ZMYND8: variants seen among roughly 807,000 people sequenced by gnomAD.
The protein encoded by ZMYND8 is zinc finger MYND-type containing 8.
In ZMYND8, 37 loss-of-function variants were observed where a neutral mutation model predicts 140.8. The ratio of observed to expected loss-of-function variants is 0.26; its 90% confidence interval spans 0.20 to 0.35. The LOEUF is 0.35. Among genes scored for constraint, ZMYND8 ranks in the 10% least tolerant of loss-of-function variants. The probability of loss-of-function intolerance (pLI) is 1.00; values close to 1 mark genes in which losing one functional copy is unlikely to be tolerated. For missense variants in ZMYND8, 1,068 were observed against 1,570.0 expected (o/e 0.68, Z 5.40); for synonymous variants, 592 against 597.1 (o/e 0.99, Z 0.12).
At position 47,255,720 on chromosome 20, in the gene ZMYND8, GTGTATATATATATATATATATATA is replaced by G. The variant is rs1352403493; in HGVS notation, c.1622-6305_1622-6282del. Among the ~76,000 whole-genome samples, 55 of 27,246 alleles carry G rather than the reference GTGTATATATATATATATATATATA, an allele frequency of 2.0e-3. 1 individual carries two copies. The highest frequency in any genetic ancestry group is 5.6e-3 in the African/African-American group (51 of 9,152). The allele number at this position is 27,246 out of a possible 152,430, so 17.9% of individuals were successfully genotyped here. A position where few individuals can be genotyped will look rare whatever the true frequency, so the allele number is the denominator to read the frequency against. ...ATATATATATATATACCGTGTATGT[GTGTATATATATATATATATATATA>G]TATATATATATATATATATACGGTA... On this transcript the variant is annotated intron_variant, in intron 12 of 22. Coordinates refer to ENST00000471951, the MANE Select transcript of ZMYND8 (RefSeq NM_001281775.3).
chr20:47,218,859 C>G (rs992726214), intron 21 of ZMYND8, among the ~76,000 whole-genome samples: 2 of 152,066 alleles, frequency 1.3e-5, no homozygotes, highest in African/African-American at 4.8e-5. Context: ...TTCCCAGCCC[C>G]TAACAATGGA....
chr20:47,282,327 GGA>G, intron 9 of ZMYND8, 110 bp from the exon 10 acceptor site: 1 of 883,078 alleles, frequency 1.1e-6, no homozygotes, highest in Non-Finnish European at 1.7e-6. Context: ...GGCCATGAGT[GGA>G]AAAAGAGTTT....
At position 47,255,749 on chromosome 20, in the gene ZMYND8, TATATATATATATATAC is replaced by T. The variant is rs1217875504; in HGVS notation, c.1622-6326_1622-6311del. ...ATATATATATATATATATATATATATATATATATATATATACGGTATATATATATATTTGTATGTGT... is the reference window on the plus strand; with the variant it reads ...ATATATATATATATATATATATATATGGTATATATATATATTTGTATGTGT... On this transcript the variant is annotated intron_variant, in intron 12 of 22. Transcript: ENST00000471951. 1.7e-3 allele frequency among the ~76,000 whole-genome samples: 168 copies of T among 99,986 alleles called. 1 individual carries two copies. The highest frequency in any genetic ancestry group is 8.2e-3 in the African/African-American group (162 of 19,730). 65.6% of individuals were successfully genotyped at this position (99,986 alleles called of 152,430 possible).
chr20:47,324,257 C>G (rs2080222226), intron 2 of ZMYND8, among the ~76,000 whole-genome samples: 1 of 150,360 alleles, frequency 6.7e-6, no homozygotes. Flanking sequence ...TGTCTCACGT[C>G]TGTAATCCCA....
chr20:47,304,352 C>T (rs1015010810), intron 3 of ZMYND8, among the ~76,000 whole-genome samples: 1 of 152,256 alleles, frequency 6.6e-6, no homozygotes, highest in Non-Finnish European at 1.5e-5. Flanking sequence ...ATACTTGAGG[C>T]TTTGCAGGCC....
intron 12 of ZMYND8, among the ~76,000 whole-genome samples, chr20:47,253,536 CAAAA>C (rs11475274): frequency 1.7e-5 from 2 of 115,904 alleles, no homozygotes; most frequent in African/African-American, 3.2e-5. Context: ...GACTCCATCT[CAAAA>C]AAAAAAAAAA....
Position 47,209,432 on chromosome 20 carries a change from T to C in ZMYND8, c.*1329A>G, listed in dbSNP as rs551978670. On this transcript the variant is annotated 3_prime_UTR_variant, in exon 23 of 23. Transcript: ENST00000471951. ...TCCATATGCTAAAAGCAATTATGCT[T>C]CACAAATAAGGCCAGCTAGGCTATT... The C allele has an allele frequency of 2.1e-5, 3 of 144,420 alleles. No homozygotes were observed. Among genetic ancestry groups the C allele is most frequent in the South Asian group, 4.4e-4 (2 of 4,518 alleles). The allele number at this position is 144,420 out of a possible 1,614,324, so 8.9% of individuals were successfully genotyped here.
intron 1 of ZMYND8, chr20:47,350,059 C>A: frequency 1.4e-6 from 2 of 1,417,908 alleles, no homozygotes; most frequent in Non-Finnish European, 1.8e-6. Context: ...ATAATCAATG[C>A]TGGAGCAGAA....
intron 14 of ZMYND8, among the ~76,000 whole-genome samples, chr20:47,242,732 G>A (rs1314215193): frequency 5.3e-5 from 8 of 152,276 alleles, no homozygotes; most frequent in African/African-American, 9.6e-5. Context: ...TATACAATCC[G>A]ATAAGATTCC....
In ZMYND8 at chr20:47,285,019, T is replaced by TA. The variant is rs958913393; in HGVS notation, c.805-1372dup. Among the ~76,000 whole-genome samples, 168 of 152,288 alleles carry TA rather than the reference T, an allele frequency of 1.1e-3. 1 individual carries two copies. Among genetic ancestry groups the TA allele is most frequent in the African/African-American group, 3.9e-3 (162 of 41,536 alleles). On this transcript the variant is annotated intron_variant, in intron 8 of 22. Transcript: ENST00000471951. ...TGCCCATTAACATTTACTGAAGACT[T>TA]AGAGTGTGCTGGTATCATTCTAAGA... is the stretch of plus-strand genomic sequence containing the variant.
chr20:47,265,053 C>CATACAT (rs371287865), intron 11 of ZMYND8, among the ~76,000 whole-genome samples: 1 of 114,248 alleles, frequency 8.8e-6, no homozygotes, highest in Non-Finnish European at 2.1e-5. Flanking sequence ...AATATATATA[C>CATACAT]ATATATATAT....
At chr20:47,305,366 G>A (rs527357577) in intron 3 of ZMYND8, among the ~76,000 whole-genome samples, 2 of 151,608 alleles carry the variant, frequency 1.3e-5, no homozygotes, top group East Asian at 1.9e-4. Flanking sequence ...TCAGCCTCCC[G>A]AGCAGCTGGG....
intron 16 of ZMYND8, among the ~76,000 whole-genome samples, chr20:47,235,433 G>T (rs2039099047): frequency 6.6e-6 from 1 of 152,154 alleles, no homozygotes; most frequent in Non-Finnish European, 1.5e-5. Flanking sequence ...GGCCGGGCCT[G>T]GTGGCTCACA....
rs540969719 is a variant in ZMYND8 at position 47,255,845 on chromosome 20, C to G, written c.1622-6406G>C. 9.6e-4 allele frequency among the ~76,000 whole-genome samples: 140 copies of G among 145,870 alleles called. 3 individuals are homozygous for G. The South Asian group carries it at 0.03, about 31-fold the overall frequency. On this transcript the variant is annotated intron_variant, in intron 12 of 22. Coordinates refer to ENST00000471951, the MANE Select transcript of ZMYND8 (RefSeq NM_001281775.3). ...GTATGTATATATATATACACACACA[C>G]ACACCATATACTGAGGTCAGGAGTT...
intron 11 of ZMYND8, among the ~76,000 whole-genome samples, chr20:47,274,121 C>T (rs902681177): frequency 1.3e-5 from 2 of 152,190 alleles, no homozygotes; most frequent in Non-Finnish European, 2.9e-5. Context: ...TCCTTTTGTA[C>T]CTCCCAAGGG....
At chr20:47,313,629 AAAT>A (rs1327325432) in intron 2 of ZMYND8, among the ~76,000 whole-genome samples, 5 of 150,316 alleles carry the variant, frequency 3.3e-5, no homozygotes, top group Admixed American at 2.7e-4. Context: ...CATCTCAAAA[AAAT>A]AATAATAATA....
At chr20:47,350,447 G>GTT (rs2082690795) in intron 1 of ZMYND8, among the ~76,000 whole-genome samples, 1 of 150,354 alleles carries the variant, frequency 6.7e-6, no homozygotes, top group South Asian at 2.1e-4. Flanking sequence ...ACTGATTTCG[G>GTT]TTTTTTTGTG....
At chr20:47,257,471 C>T (rs188204121) in intron 12 of ZMYND8, among the ~76,000 whole-genome samples, 23 of 151,922 alleles carry the variant, frequency 1.5e-4, no homozygotes, top group South Asian at 1.0e-3. Flanking sequence ...TATACACACA[C>T]GCAAATACAA....
At chr20:47,300,088 T>C (rs2077913508) in intron 3 of ZMYND8, among the ~76,000 whole-genome samples, 1 of 152,166 alleles carries the variant, frequency 6.6e-6, no homozygotes, top group South Asian at 2.1e-4. Flanking sequence ...TATGGAATAT[T>C]ATGGTATATT....
Sources: gnomAD v4.1 joint callset for allele counts (sites outside exome capture counted in the v4.1 genomes callset) on GRCh38, gnomAD v4.1.1 for gene constraint, MANE v1.5 for transcripts, NCBI Gene and HGNC (gene_info 2026-07-23, HGNC 2026-07-21) for gene names.